RTN4: variants seen among roughly 807,000 people sequenced by gnomAD.
RTN4 encodes the protein reticulon 4, also known as reticulon-4.
A neutral mutation model predicts 90.4 loss-of-function variants in RTN4; 32 were observed. That is an observed-to-expected ratio of 0.35 (90% CI 0.27 to 0.48). The LOEUF (loss-of-function observed/expected upper bound fraction) is 0.48, where lower values mean the gene tolerates loss of function less well. Among genes scored for constraint, RTN4 ranks in the 20% least tolerant of loss-of-function variants. RTN4 has a pLI of 0.99. For synonymous variants in RTN4, 629 were observed against 552.5 expected (o/e 1.14, Z -1.94); for missense variants, 1,706 against 1,430.2 (o/e 1.19, Z -3.11).
intron 1 of RTN4, chr2:55,049,196 GA>G: frequency 6.1e-6 from 6 of 986,450 alleles, no homozygotes; most frequent in African/African-American, 1.7e-5. Flanking sequence ...AGCACAGGAG[GA>G]GGGGGAGGGG....
At chr2:54,978,203 G>T (rs964949422) in intron 5 of RTN4, among the ~76,000 whole-genome samples, 5 of 152,178 alleles carry the variant, frequency 3.3e-5, no homozygotes, top group African/African-American at 1.2e-4. Context: ...GCCAAGGCAG[G>T]CAGATCACCT....
intron 1 of RTN4, among the ~76,000 whole-genome samples, chr2:55,108,530 T>G (rs923493551): frequency 2.6e-5 from 4 of 151,998 alleles, no homozygotes; most frequent in African/African-American, 9.7e-5. Context: ...GAATAGGGTT[T>G]GTTTTTCTTA....
At position 55,026,216 on chromosome 2, in the gene RTN4, C is replaced by G; in HGVS notation, c.1883G>C (p.Gly628Ala). ...APLNSAVPSA[G>A]ASVIQPSSSP... Reference sequence around the variant, plus strand: ...TGAGCTGGGCTGTATCACGGAAGCACCAGCACTAGGAACTGCAGAATTCAA... The same window carrying G: ...TGAGCTGGGCTGTATCACGGAAGCAGCAGCACTAGGAACTGCAGAATTCAA... Residue 628 changes from glycine to alanine, a missense_variant, in exon 3 of 9, where the codon GGT (glycine) becomes GCT (alanine). Gly to Ala is a moderately conservative substitution (Grantham distance 60). Transcript: ENST00000337526. 6.2e-7 allele frequency: 1 copy of G among 1,613,654 alleles called. No homozygotes were observed. Among genetic ancestry groups the G allele is most frequent in the Non-Finnish European group, 8.5e-7 (1 of 1,179,870 alleles).
upstream of RTN4, among the ~76,000 whole-genome samples, chr2:55,055,499 G>A (rs1668172043): frequency 6.6e-6 from 1 of 152,170 alleles, no homozygotes; most frequent in East Asian, 1.9e-4. Context: ...CGGGCGCGGT[G>A]GCTCACGCCT....
At chr2:54,987,420 G>A (rs1678651566) in intron 4 of RTN4, 71 bp downstream of exon 4, 1 of 1,095,644 alleles carries the variant, frequency 9.1e-7, no homozygotes, top group Non-Finnish European at 1.4e-6. Context: ...TCTATAGACA[G>A]TAGATGAAGT....
chr2:55,047,110 G>A (rs1667796936), intron 1 of RTN4, among the ~76,000 whole-genome samples: 1 of 152,054 alleles, frequency 6.6e-6, no homozygotes. Flanking sequence ...GTGGATCACT[G>A]GAGGTCAGGA....
At chr2:55,012,534 T>G (rs183946581) in intron 3 of RTN4, among the ~76,000 whole-genome samples, 1 of 152,190 alleles carries the variant, frequency 6.6e-6, no homozygotes, top group Non-Finnish European at 1.5e-5. Flanking sequence ...AAAACTGATA[T>G]GACACAAATT....
intron 1 of RTN4, among the ~76,000 whole-genome samples, chr2:55,089,962 G>C (rs1364517754): frequency 6.6e-6 from 1 of 152,206 alleles, no homozygotes; most frequent in Non-Finnish European, 1.5e-5. Flanking sequence ...CCAAGCAGCT[G>C]TCTGAATGTT....
At chr2:55,128,776 C>A in the RTN4 span, among the ~76,000 whole-genome samples, 2 of 151,800 alleles carry the variant, frequency 1.3e-5, no homozygotes, top group African/African-American at 4.8e-5. Flanking sequence ...TACCAGCAAT[C>A]CCTACAATTC....
At position 55,027,256 on chromosome 2, in the gene RTN4, T is replaced by C. The variant is rs1681968466; in HGVS notation, c.843A>G (p.Lys281=). The C allele has an allele frequency of 1.2e-6, 2 of 1,613,784 alleles. No individual in the cohort carries two copies. Among genetic ancestry groups the C allele is most frequent in the African/African-American group, 2.7e-5 (2 of 75,026 alleles). Residue 281 remains lysine, a synonymous_variant, in exon 3 of 9, where the codon AAA becomes AAG. Transcript: ENST00000337526. ...TTAAATCTCTATCTATGAGTAGAGTTTTTGCCTTCTCTGAGACCTCTTTAG... is the reference window on the plus strand; with the variant it reads ...TTAAATCTCTATCTATGAGTAGAGTCTTTGCCTTCTCTGAGACCTCTTTAG... ...EASKEVSEKA[K]TLLIDRDLTE...
Position 55,050,321 on chromosome 2 carries a change from G to A in RTN4, c.-21C>T. The A allele has an allele frequency of 7.3e-7, 1 of 1,368,500 alleles. No individual in the cohort carries two copies. Among genetic ancestry groups the A allele is most frequent in the South Asian group, 1.8e-5 (1 of 56,040 alleles). 84.8% of individuals were successfully genotyped at this position (1,368,500 alleles called of 1,614,324 possible). A position where few individuals can be genotyped will look rare whatever the true frequency, so the allele number is the denominator to read the frequency against. On this transcript the variant is annotated 5_prime_UTR_variant, in exon 1 of 9. Coordinates refer to ENST00000337526, the MANE Select transcript of RTN4 (RefSeq NM_020532.5). The surrounding 1 kb of genome is among the most constrained non-coding windows in gnomAD (Gnocchi z 4.6). ...TCCATGGCTGGAGGGTGGAGATGAT[G>A]CTGCAGCTGCTGCCGCCGCCGCCGG...
At position 55,027,042 on chromosome 2, in the gene RTN4, A is replaced by C; in HGVS notation, c.1057T>G (p.Leu353Val). 1.2e-6 allele frequency: 2 copies of C among 1,613,484 alleles called. No homozygotes were observed. Among genetic ancestry groups the C allele is most frequent in the African/African-American group, 2.7e-5 (2 of 74,986 alleles). ...GACACAACTTCATCCTCTTTAACCA[A>C]TTTAGTAAGAGCTGTAGGTAACTCT... is the stretch of plus-strand genomic sequence containing the variant. ...QQELPTALTK[L>V]VKEDEVVSSE... Residue 353 changes from leucine (L) to valine (V), a missense_variant, in exon 3 of 9, where the codon TTG becomes GTG. Physicochemically the swap from Leu to Val is conservative, Grantham distance 32. Coordinates refer to ENST00000337526, the MANE Select transcript of RTN4 (RefSeq NM_020532.5).
rs554226314 is a variant in RTN4 at position 55,066,883 on chromosome 2, T to C, written c.-63+13606A>G. ...GTCATACAATGAACAGAAGTAGGTATATGAAAACACTCATTTAGACATTAC... is the reference window on the plus strand; with the variant it reads ...GTCATACAATGAACAGAAGTAGGTACATGAAAACACTCATTTAGACATTAC... On this transcript the variant is annotated intron_variant, in intron 2 of 3. Transcript: ENST00000427710. Among the ~76,000 whole-genome samples the C allele has an allele frequency of 6.2e-4, 94 of 152,274 alleles. No homozygotes were observed. The Middle Eastern group carries it at 0.01, about 17-fold the overall frequency.
chr2:55,115,578 T>G (rs946707594), upstream of RTN4, among the ~76,000 whole-genome samples: 6 of 152,190 alleles, frequency 3.9e-5, no homozygotes. Flanking sequence ...CACAAAATCA[T>G]GAGAAACGAA....
At chr2:55,117,152 G>C (rs753817070), upstream of RTN4, among the ~76,000 whole-genome samples, 1 of 152,186 alleles carries the variant, frequency 6.6e-6, no homozygotes, top group African/African-American at 2.4e-5. Flanking sequence ...GGGATTACAG[G>C]TGTGAGCCAC....
intron 3 of RTN4, among the ~76,000 whole-genome samples, chr2:55,016,594 AAAAAC>A (rs1270736520): frequency 2.6e-5 from 4 of 152,336 alleles, no homozygotes; most frequent in South Asian, 2.1e-4. Context: ...AAACAAAAAC[AAAAAC>A]AAAACACATG....
chr2:55,068,114 G>A (rs1386202447), intron 2 of RTN4, among the ~76,000 whole-genome samples: 4 of 152,148 alleles, frequency 2.6e-5, no homozygotes. Flanking sequence ...GAAATGGGAA[G>A]AATATTTTAA....
intron 1 of RTN4, among the ~76,000 whole-genome samples, chr2:55,092,788 C>A (rs1171249764): frequency 6.6e-6 from 1 of 152,200 alleles, no homozygotes; most frequent in Non-Finnish European, 1.5e-5. Context: ...AGTTTGGGGG[C>A]TCCCCTGGAG....
intron 2 of RTN4, among the ~76,000 whole-genome samples, chr2:55,076,091 A>C (rs1413128762): frequency 1.3e-5 from 2 of 152,322 alleles, no homozygotes; most frequent in South Asian, 2.1e-4. Flanking sequence ...GACTTAATTA[A>C]ATTTAAAAAA....
Sources: gnomAD v4.1 joint callset for allele counts (sites outside exome capture counted in the v4.1 genomes callset) on GRCh38, gnomAD v4.1.1 for gene constraint, Gnocchi (gnomAD v3.1) non-coding constraint, MANE v1.5 for transcripts, NCBI Gene and HGNC (gene_info 2026-07-23, HGNC 2026-07-21) for gene names.